HMGCLL1: variants seen among roughly 807,000 people sequenced by gnomAD.
HMGCLL1 encodes 3-hydroxymethyl-3-methylglutaryl-CoA lyase, cytoplasmic.
In HMGCLL1, 36 loss-of-function variants were observed where a neutral mutation model predicts 39.1. The ratio of observed to expected loss-of-function variants is 0.92; its 90% CI spans 0.71 to 1.22. HMGCLL1 has a LOEUF of 1.22. HMGCLL1 is among the 50% of genes most tolerant of loss of function. HMGCLL1 has a pLI of 0.00. For synonymous variants in HMGCLL1, 149 were observed against 144.0 expected, an observed-to-expected ratio of 1.03 and a Z score of -0.25; for missense variants, 451 against 416.5, an observed-to-expected ratio of 1.08 and a Z score of -0.72.
chr6:55,568,411 G>T (rs1429779547), intron 1 of HMGCLL1, among the ~76,000 whole-genome samples: 1 of 152,156 alleles, frequency 6.6e-6, no homozygotes, highest in Non-Finnish European at 1.5e-5. Context: ...AATTGTTCAT[G>T]TGAAAGATCA....
At chr6:55,610,672 G>A in the HMGCLL1 span, among the ~76,000 whole-genome samples, 1 of 152,062 alleles carries the variant, frequency 6.6e-6, no homozygotes, top group Non-Finnish European at 1.5e-5. Flanking sequence ...TCAAATTCAG[G>A]AAATCCAGAG....
At chr6:55,534,421 T>C (rs1373704028) in intron 3 of HMGCLL1, among the ~76,000 whole-genome samples, 1 of 152,150 alleles carries the variant, frequency 6.6e-6, no homozygotes, top group Non-Finnish European at 1.5e-5. Flanking sequence ...GAAAAAGTAA[T>C]GCTATAAAAT....
chr6:55,523,651 A>C (rs749348668), intron 3 of HMGCLL1, among the ~76,000 whole-genome samples: 74 of 152,020 alleles, frequency 4.9e-4, no homozygotes, highest in Non-Finnish European at 9.3e-4. Flanking sequence ...TATAAAACCC[A>C]GTATATCATA....
chr6:55,582,645 C>T (rs1772004494), upstream of HMGCLL1, among the ~76,000 whole-genome samples: 1 of 152,054 alleles, frequency 6.6e-6, no homozygotes, highest in Non-Finnish European at 1.5e-5. Flanking sequence ...TGTCCTATCA[C>T]TCTAATTATG....
chr6:55,591,533 T>C, the HMGCLL1 span, among the ~76,000 whole-genome samples: 2 of 151,884 alleles, frequency 1.3e-5, no homozygotes, highest in African/African-American at 2.4e-5. Context: ...GGATAGGAAT[T>C]AAGATTTTTG....
chr6:55,659,584 T>G, the HMGCLL1 span, among the ~76,000 whole-genome samples: 48 of 152,060 alleles, frequency 3.2e-4, no homozygotes, highest in East Asian at 7.4e-3. Flanking sequence ...TTCTCATATC[T>G]ATCATACTTT....
chr6:55,609,678 A>G, the HMGCLL1 span, among the ~76,000 whole-genome samples: 1,639 of 152,268 alleles, frequency 0.011, 22 homozygotes, highest in African/African-American at 0.037. Context: ...AGGGACAGCC[A>G]AAATGCTTCA....
At chr6:55,463,386 A>G (rs889339564) in intron 7 of HMGCLL1, among the ~76,000 whole-genome samples, 3 of 151,986 alleles carry the variant, frequency 2.0e-5, no homozygotes, top group African/African-American at 7.2e-5. Flanking sequence ...GGCCCTTACA[A>G]TGTGAAAATT....
At chr6:55,678,107 G>A in the HMGCLL1 span, among the ~76,000 whole-genome samples, 6 of 152,260 alleles carry the variant, frequency 3.9e-5, no homozygotes, top group African/African-American at 1.4e-4. Flanking sequence ...TACCATGTAT[G>A]AAAAATTATT....
At chr6:55,622,114 A>G in the HMGCLL1 span, among the ~76,000 whole-genome samples, 1 of 151,976 alleles carries the variant, frequency 6.6e-6, no homozygotes, top group Admixed American at 6.6e-5. Flanking sequence ...TGATTTTTGT[A>G]TATTGACTTT....
chr6:55,576,093 G>T (rs138794477), intron 1 of HMGCLL1, among the ~76,000 whole-genome samples: 1 of 152,230 alleles, frequency 6.6e-6, no homozygotes, highest in Admixed American at 6.5e-5. Context: ...CTTAATATCT[G>T]CAAAGCAATT....
chr6:55,440,821 C>T (rs376506782), intron 7 of HMGCLL1, among the ~76,000 whole-genome samples: 70 of 152,220 alleles, frequency 4.6e-4, no homozygotes, highest in Middle Eastern at 6.8e-3. Flanking sequence ...ACAGCTGCTG[C>T]TCATGTGGGA....
the HMGCLL1 span, among the ~76,000 whole-genome samples, chr6:55,678,821 A>G: frequency 1.3e-5 from 2 of 152,214 alleles, no homozygotes; most frequent in African/African-American, 4.8e-5. Flanking sequence ...AGGAGTAAGG[A>G]GAAATGAAAG....
Position 55,435,741 on chromosome 6 carries a change from A to T in HMGCLL1, c.944T>A (p.Met315Lys). ...LNTGVNLYKV[M>K]EAGDFICKAV... ...TTTGCAAATAAAGTCACCAGCTTCC[A>T]TCACTTTGTATAGATTCACACCCTG... Residue 315 changes from methionine to lysine, a missense_variant, in exon 9 of 9, where the codon ATG becomes AAG. Coordinates refer to ENST00000274901, the MANE Select transcript of HMGCLL1 (RefSeq NM_001042406.2). 1.9e-6 allele frequency: 3 copies of T among 1,599,648 alleles called. No homozygotes were observed. Among genetic ancestry groups the T allele is most frequent in the Middle Eastern group, 3.3e-4 (2 of 6,004 alleles).
In HMGCLL1 at chr6:55,507,410, G is replaced by C. The variant is rs142477527; in HGVS notation, c.542+6638C>G. 2.0e-4 allele frequency among the ~76,000 whole-genome samples: 31 copies of C among 151,744 alleles called. No individual in the cohort carries two copies. In the East Asian group the frequency reaches 6.0e-3, roughly 30 times the overall value. On this transcript the variant is annotated intron_variant, in intron 5 of 8. Coordinates refer to ENST00000274901, the MANE Select transcript of HMGCLL1 (RefSeq NM_001042406.2). Reference sequence around the variant, plus strand: ...ATGGGACCTGCATGGCAGACTCCCTGTTTCCCCAGCCCTCAAACTAAACCC... The same window carrying C: ...ATGGGACCTGCATGGCAGACTCCCTCTTTCCCCAGCCCTCAAACTAAACCC...
chr6:55,588,926 C>T, the HMGCLL1 span, among the ~76,000 whole-genome samples: 1 of 151,982 alleles, frequency 6.6e-6, no homozygotes, highest in Non-Finnish European at 1.5e-5. Context: ...AGCTTACCAA[C>T]CAAAAAAAGT....
chr6:55,612,727 C>G, the HMGCLL1 span, among the ~76,000 whole-genome samples: 6 of 152,202 alleles, frequency 3.9e-5, no homozygotes, highest in Non-Finnish European at 8.8e-5. Flanking sequence ...ATACATGGTA[C>G]TGGGAAAACT....
chr6:55,677,484 T>C, the HMGCLL1 span, among the ~76,000 whole-genome samples: 1 of 152,248 alleles, frequency 6.6e-6, no homozygotes, highest in Non-Finnish European at 1.5e-5. Context: ...ACTTTTAACA[T>C]CCAAGTTTGT....
intron 7 of HMGCLL1, among the ~76,000 whole-genome samples, chr6:55,490,533 G>A (rs983152033): frequency 6.6e-6 from 1 of 152,072 alleles, no homozygotes. Flanking sequence ...GGGAGTGGCA[G>A]GGTGGGTTTA....
Sources: gnomAD v4.1 joint callset for allele counts (sites outside exome capture counted in the v4.1 genomes callset) on GRCh38, gnomAD v4.1.1 for gene constraint, MANE v1.5 for transcripts, NCBI Gene and HGNC (gene_info 2026-07-23, HGNC 2026-07-21) for gene names.